Variants in PTPRJ observed in about 807,000 individuals in gnomAD.
PTPRJ encodes the protein receptor-type tyrosine-protein phosphatase eta.
A neutral mutation model predicts 141.3 loss-of-function variants in PTPRJ; 129 were observed. The observed-to-expected ratio is 0.91, with a 90% CI of 0.79 to 1.06. The LOEUF is 1.06. PTPRJ is among the 50% of genes least tolerant of loss of function. The pLI is 0.00. For synonymous variants in PTPRJ, 610 were observed against 640.5 expected, an observed-to-expected ratio of 0.95 and a Z score of 0.72; for missense variants, 1,601 against 1,679.7, an observed-to-expected ratio of 0.95 and a Z score of 0.82.
chr11:47,994,865 A>AT lies in PTPRJ; in HGVS notation c.96+13866dup, dbSNP rs765062363. 1.5e-4 allele frequency among the ~76,000 whole-genome samples: 22 copies of AT among 151,410 alleles called. 1 individual carries two copies. The highest frequency in any genetic ancestry group is 6.6e-4 in the Admixed American group (10 of 15,180). On this transcript the variant is annotated intron_variant, in intron 1 of 24. Transcript: ENST00000418331. ...GACTGGATACCACATTTGCATCAGG[A>AT]TTTTTTTTTCAACCAGTACAGTACA...
At chr11:48,123,526 C>G in intron 4 of PTPRJ, 87 bp from the exon 5 acceptor site, 1 of 1,398,406 alleles carries the variant, frequency 7.2e-7, no homozygotes, top group Non-Finnish European at 9.6e-7. Context: ...TTTTAAAACC[C>G]GCTCCCAGCA....
intron 24 of PTPRJ, among the ~76,000 whole-genome samples, chr11:48,165,750 CT>C (rs1457594205): frequency 6.6e-6 from 1 of 152,058 alleles, no homozygotes; most frequent in Non-Finnish European, 1.5e-5. Context: ...ATCTTTTATC[CT>C]TTTTTGAGAA....
At chr11:48,141,909 T>G (rs538799338) in intron 11 of PTPRJ, among the ~76,000 whole-genome samples, 1 of 151,058 alleles carries the variant, frequency 6.6e-6, no homozygotes, top group South Asian at 2.2e-4. Context: ...CCATTGTAAA[T>G]ACTATGTCAA....
chr11:48,161,595 A>ATTTCT (rs555500255), intron 22 of PTPRJ, among the ~76,000 whole-genome samples: 37 of 151,964 alleles, frequency 2.4e-4, no homozygotes, highest in South Asian at 2.1e-4. Context: ...TGTCATGCTT[A>ATTTCT]TTTCTTTTCT....
At chr11:48,132,950 C>T (rs1857014900) in intron 8 of PTPRJ, among the ~76,000 whole-genome samples, 1 of 152,204 alleles carries the variant, frequency 6.6e-6, no homozygotes, top group African/African-American at 2.4e-5. Flanking sequence ...CATGTTTCTT[C>T]TGTCTTTTAA....
chr11:48,052,681 G>C (rs1285219219), intron 1 of PTPRJ, among the ~76,000 whole-genome samples: 2 of 152,148 alleles, frequency 1.3e-5, no homozygotes, highest in African/African-American at 4.8e-5. Flanking sequence ...ATAAACGCAG[G>C]GTACAGAGAA....
chr11:48,025,248 T>G (rs546657722), intron 1 of PTPRJ, among the ~76,000 whole-genome samples: 1 of 152,238 alleles, frequency 6.6e-6, no homozygotes, highest in East Asian at 1.9e-4. Flanking sequence ...TCCTAGAGAT[T>G]AAAAAGAGGT....
chr11:48,086,200 C>T (rs942917808), intron 1 of PTPRJ, among the ~76,000 whole-genome samples: 3 of 152,074 alleles, frequency 2.0e-5, no homozygotes, highest in Non-Finnish European at 4.4e-5. Context: ...TTTTTTGAGA[C>T]GGAGTCTCTG....
intron 11 of PTPRJ, among the ~76,000 whole-genome samples, chr11:48,142,422 G>A (rs796755932): frequency 6.6e-5 from 10 of 152,078 alleles, no homozygotes; most frequent in Admixed American, 6.6e-4. Context: ...TTTATAGATC[G>A]CTTTGAGTAG....
At chr11:48,139,112 G>A (rs1479355169) in intron 10 of PTPRJ, among the ~76,000 whole-genome samples, 2 of 152,012 alleles carry the variant, frequency 1.3e-5, no homozygotes, top group African/African-American at 2.4e-5. Context: ...CAGCCTGGTC[G>A]ACAGAGCGAG....
At position 48,148,725 on chromosome 11, in the gene PTPRJ, G is replaced by A. The variant is rs563486349; in HGVS notation, c.3000-722G>A. Reference sequence around the variant, plus strand: ...GCTGGGATTACAGGCATCAGCCACCGTGCCTGGCTCATTTCATCATCATTT... The same window carrying A: ...GCTGGGATTACAGGCATCAGCCACCATGCCTGGCTCATTTCATCATCATTT... On this transcript the variant is annotated intron_variant, in intron 15 of 24. Coordinates refer to ENST00000418331, the MANE Select transcript of PTPRJ (RefSeq NM_002843.4). Among the ~76,000 whole-genome samples the A allele has an allele frequency of 5.9e-5, 9 of 152,214 alleles. No individual in the cohort carries two copies. The East Asian group carries it at 1.5e-3, about 26-fold the overall frequency.
intron 1 of PTPRJ, among the ~76,000 whole-genome samples, chr11:48,043,185 A>G (rs1854311221): frequency 6.6e-6 from 1 of 152,098 alleles, no homozygotes; most frequent in Non-Finnish European, 1.5e-5. Context: ...ATATTTATAA[A>G]TGGGGTCATA....
At chr11:48,037,665 T>A (rs1044344100) in intron 1 of PTPRJ, among the ~76,000 whole-genome samples, 4 of 151,866 alleles carry the variant, frequency 2.6e-5, no homozygotes, top group African/African-American at 7.3e-5. Context: ...TACATAAAAT[T>A]AGGTGGGCGT....
intron 8 of PTPRJ, chr11:48,132,852 A>T (rs1857013192): frequency 2.5e-6 from 1 of 398,402 alleles, no homozygotes; most frequent in South Asian, 1.0e-4. Context: ...GAAATAAGGG[A>T]TCTACTAAAA....
At chr11:48,024,477 C>T (rs759619358) in intron 1 of PTPRJ, among the ~76,000 whole-genome samples, 39 of 152,156 alleles carry the variant, frequency 2.6e-4, no homozygotes, top group Admixed American at 1.5e-3. Context: ...GGATTACAGG[C>T]GTGAGCCACT....
chr11:48,130,513 G>C lies in PTPRJ; in HGVS notation c.1412G>C (p.Gly471Ala). 1 of 1,613,896 alleles carries C rather than the reference G, an allele frequency of 6.2e-7. No homozygotes were observed. The highest frequency in any genetic ancestry group is 8.5e-7 in the Non-Finnish European group (1 of 1,179,900). Residue 471 changes from glycine to alanine, a missense_variant, in exon 8 of 25, where the codon GGC becomes GCC. Physicochemically the swap from Gly to Ala is moderately conservative, Grantham distance 60. Coordinates refer to ENST00000418331, the MANE Select transcript of PTPRJ (RefSeq NM_002843.4). ...ACAGTGGTCAGCACGACGGAGATCG[G>C]CTTAGCATGGAGCAGCCATGATGCA... ...RVTVVSTTEI[G>A]LAWSSHDAES... is the part of the protein sequence containing the mutation.
chr11:48,089,440 C>CGGGA (rs1855804062), intron 1 of PTPRJ, among the ~76,000 whole-genome samples: 1 of 149,678 alleles, frequency 6.7e-6, no homozygotes, highest in African/African-American at 2.5e-5. Flanking sequence ...TGCTTGAACC[C>CGGGA]GGGAGGCAGA....
rs919981802 is a variant in PTPRJ at position 48,062,639 on chromosome 11, T to C, written c.97-47419T>C. Among the ~76,000 whole-genome samples, 3 of 152,236 alleles carry C rather than the reference T, an allele frequency of 2.0e-5. No individual in the cohort carries two copies. In the East Asian group the frequency reaches 5.8e-4, roughly 29 times the overall value. ...GTTTGTCTCCTTGTCAATGTGGAGA[T>C]AGAAAATTGCCTACGAGGTTGGACA... On this transcript the variant is annotated intron_variant, in intron 1 of 24. Transcript: ENST00000418331.
chr11:48,059,489 G>A (rs1854859137), intron 1 of PTPRJ, among the ~76,000 whole-genome samples: 1 of 152,176 alleles, frequency 6.6e-6, no homozygotes, highest in Non-Finnish European at 1.5e-5. Flanking sequence ...TTAGAATGGA[G>A]GCTACAGGGG....
Sources: gnomAD v4.1 joint callset for allele counts (sites outside exome capture counted in the v4.1 genomes callset) on GRCh38, gnomAD v4.1.1 for gene constraint, MANE v1.5 for transcripts, NCBI Gene and HGNC (gene_info 2026-07-23, HGNC 2026-07-21) for gene names.